The following NUP107 variants were observed in gnomAD, a reference collection of about 807,000 sequenced individuals.
The protein encoded by NUP107 is nuclear pore complex protein Nup107.
Under a neutral mutation model 141.0 loss-of-function variants are expected in NUP107, and 101 were observed. The ratio of observed to expected loss-of-function variants is 0.72; its 90% CI spans 0.61 to 0.84. The LOEUF is 0.84. Among genes scored for constraint, NUP107 ranks in the 40% least tolerant of loss-of-function variants. The pLI is 0.00. For missense variants in NUP107, 941 were observed against 1,102.7 expected (o/e 0.85, Z 2.08); for synonymous variants, 319 against 363.9 (o/e 0.88, Z 1.41).
chr12:68,696,981 G>A (rs1024335862), intron 6 of NUP107, 59 bp downstream of exon 6: 2 of 1,019,460 alleles, frequency 2.0e-6, no homozygotes, highest in Admixed American at 2.0e-5. Flanking sequence ...TTCATAAACA[G>A]CATTAACCTA....
At chr12:68,710,663 A>AC (rs1196484458) in intron 10 of NUP107, among the ~76,000 whole-genome samples, 2 of 151,658 alleles carry the variant, frequency 1.3e-5, no homozygotes, top group Non-Finnish European at 2.9e-5. Context: ...AAAAAAAAAA[A>AC]AAAAAACAGA....
intron 8 of NUP107, among the ~76,000 whole-genome samples, chr12:68,707,616 G>A (rs1057257751): frequency 4.0e-5 from 6 of 151,820 alleles, no homozygotes; most frequent in African/African-American, 7.3e-5. Flanking sequence ...AGATCATTGG[G>A]TTTGTACTGA....
chr12:68,703,941 GC>G (rs1315185703), intron 8 of NUP107, among the ~76,000 whole-genome samples: 1 of 152,134 alleles, frequency 6.6e-6, no homozygotes, highest in Non-Finnish European at 1.5e-5. Context: ...TGGTGTAGAG[GC>G]ACATGCCTGT....
chr12:68,719,551 C>T (rs749592530), intron 13 of NUP107, 27 bp from the exon 14 acceptor site: 12 of 1,588,960 alleles, frequency 7.6e-6, no homozygotes, highest in Non-Finnish European at 1.0e-5. Flanking sequence ...TATTTTAAAC[C>T]AGAAATTTTC....
chr12:68,729,807 T>C (rs1379543160), intron 20 of NUP107, among the ~76,000 whole-genome samples: 2 of 151,448 alleles, frequency 1.3e-5, no homozygotes, highest in African/African-American at 4.8e-5. Flanking sequence ...TTTTTTTTTT[T>C]TGAGACGGAG....
At chr12:68,693,292 A>C (rs1188761728) in intron 5 of NUP107, among the ~76,000 whole-genome samples, 1 of 151,814 alleles carries the variant, frequency 6.6e-6, no homozygotes, top group Non-Finnish European at 1.5e-5. Context: ...GGCCAGGCTG[A>C]TCTCGAACTC....
Position 68,745,509 on chromosome 12 carries a change from C to T in NUP107, c.*3047C>T, listed in dbSNP as rs897833732. The T allele has an allele frequency of 6.6e-6, 1 of 152,194 alleles. No individual in the cohort carries two copies. The allele number at this position is 152,194 out of a possible 1,614,324, so 9.4% of individuals were successfully genotyped here. A position where few individuals can be genotyped will look rare whatever the true frequency, so the allele number is the denominator to read the frequency against. On this transcript the variant is annotated 3_prime_UTR_variant, in exon 28 of 28. Transcript: ENST00000229179. ...GTTACTCAAAGTTCTATCTCTTAGT[C>T]ATTGCACCTGACCTGATCCAAAACA...
chr12:68,722,029 T>C (rs1444533052), intron 16 of NUP107, 43 bp downstream of exon 16: 1 of 1,611,176 alleles, frequency 6.2e-7, no homozygotes, highest in Non-Finnish European at 8.5e-7. Flanking sequence ...ATTTGTAGCA[T>C]GCTCTTTGAT....
chr12:68,716,245 C>CTTTTTT lies in NUP107; in HGVS notation c.1083+511_1083+516dup, dbSNP rs71436075. Reference sequence around the variant, plus strand: ...TCTTTCTTTCTTTCTTTCTTTCTTTCTTTTTTTTTTTGAGATGGGATCTCA... The same window carrying CTTTTTT: ...TCTTTCTTTCTTTCTTTCTTTCTTTCTTTTTTTTTTTTTTTTTGAGATGGGATCTCA... On this transcript the variant is annotated intron_variant, in intron 12 of 27. Transcript: ENST00000229179. Among the ~76,000 whole-genome samples the CTTTTTT allele has an allele frequency of 1.8e-3, 211 of 116,236 alleles. 1 individual carries two copies. Among genetic ancestry groups the CTTTTTT allele is most frequent in the Middle Eastern group, 5.4e-3 (1 of 186 alleles). The allele number at this position is 116,236 out of a possible 152,430, so 76.3% of individuals were successfully genotyped here.
chr12:68,694,871 C>T (rs914013387), intron 5 of NUP107, among the ~76,000 whole-genome samples: 4 of 152,162 alleles, frequency 2.6e-5, no homozygotes, highest in Non-Finnish European at 4.4e-5. Context: ...ATTGCACCTC[C>T]ATCCTGGGCA....
chr12:68,693,126 G>A (rs1875897354), intron 5 of NUP107, among the ~76,000 whole-genome samples: 2 of 150,856 alleles, frequency 1.3e-5, no homozygotes, highest in African/African-American at 4.9e-5. Flanking sequence ...TGCCCAGACT[G>A]GAGTGCAGTG....
chr12:68,692,983 T>C (rs1424112529), intron 5 of NUP107, among the ~76,000 whole-genome samples: 1 of 151,930 alleles, frequency 6.6e-6, no homozygotes. Context: ...CTCCTGACCA[T>C]GGGTGATCCA....
intron 26 of NUP107, among the ~76,000 whole-genome samples, chr12:68,736,867 A>G (rs1878095899): frequency 6.6e-6 from 1 of 151,708 alleles, no homozygotes; most frequent in East Asian, 1.9e-4. Context: ...ACACCCAGCT[A>G]ATTTTTGTAT....
intron 6 of NUP107, among the ~76,000 whole-genome samples, chr12:68,700,216 T>G (rs1348263090): frequency 6.6e-6 from 1 of 152,142 alleles, no homozygotes; most frequent in Non-Finnish European, 1.5e-5. Context: ...TGAAAAGGTT[T>G]AAGACCACTA....
At chr12:68,699,876 C>T (rs545210353) in intron 6 of NUP107, among the ~76,000 whole-genome samples, 2 of 152,066 alleles carry the variant, frequency 1.3e-5, no homozygotes, top group Admixed American at 6.6e-5. Flanking sequence ...TTTACATGTG[C>T]CTCAGTCCTG....
intron 11 of NUP107, among the ~76,000 whole-genome samples, chr12:68,715,086 C>T (rs534860829): frequency 6.6e-6 from 1 of 152,328 alleles, no homozygotes; most frequent in African/African-American, 2.4e-5. Context: ...CTGAGGCATG[C>T]CCTTTGTGGG....
At chr12:68,696,328 G>A (rs1002767926) in intron 5 of NUP107, among the ~76,000 whole-genome samples, 1 of 151,696 alleles carries the variant, frequency 6.6e-6, no homozygotes, top group Non-Finnish European at 1.5e-5. Flanking sequence ...TTGCGCCACT[G>A]CACTCCAGCC....
chr12:68,689,723 A>G, intron 3 of NUP107, 104 bp downstream of exon 3: 1 of 718,846 alleles, frequency 1.4e-6, no homozygotes, highest in East Asian at 2.7e-5. Flanking sequence ...CGATATCAAT[A>G]AGCACTAATA....
At chr12:68,728,920 A>G (rs763700840) in intron 20 of NUP107, among the ~76,000 whole-genome samples, 11 of 152,166 alleles carry the variant, frequency 7.2e-5, no homozygotes, top group Non-Finnish European at 1.5e-4. Flanking sequence ...CTCAATCTAC[A>G]GTATATCAAG....
Sources: allele counts gnomAD v4.1 joint callset (sites outside exome capture counted in the v4.1 genomes callset), GRCh38; gene constraint gnomAD v4.1.1; transcripts MANE v1.5; gene names NCBI Gene and HGNC (gene_info 2026-07-23, HGNC 2026-07-21).